The following PSMD1 variants were observed in gnomAD, a reference collection of about 807,000 sequenced individuals.
PSMD1 encodes the protein 26S proteasome non-ATPase regulatory subunit 1.
PSMD1 carries 18 observed loss-of-function variants against 119.0 expected under a neutral mutation model. The observed-to-expected ratio is 0.15, with a 90% CI of 0.10 to 0.22. PSMD1 has a LOEUF of 0.22. Among genes scored for constraint, PSMD1 ranks in the 10% least tolerant of loss-of-function variants. The probability of loss-of-function intolerance (pLI) is 1.00; values close to 1 mark genes in which losing one functional copy is unlikely to be tolerated. For missense variants in PSMD1, 702 were observed against 1,158.5 expected (o/e 0.61, Z 5.72); for synonymous variants, 374 against 396.6 (o/e 0.94, Z 0.68).
chr2:231,113,596 C>A, intron 16 of PSMD1: 1 of 807,754 alleles, frequency 1.2e-6, no homozygotes. Flanking sequence ...ACATAAGGAG[C>A]TTATGTTAAT....
At chr2:231,121,604 A>G (rs1695546558) in intron 16 of PSMD1, among the ~76,000 whole-genome samples, 1 of 152,150 alleles carries the variant, frequency 6.6e-6, no homozygotes. Flanking sequence ...AATACATGGA[A>G]TCTATTAAAC....
intron 18 of PSMD1, among the ~76,000 whole-genome samples, chr2:231,151,674 A>C (rs1213230219): frequency 6.6e-6 from 1 of 152,126 alleles, no homozygotes; most frequent in Non-Finnish European, 1.5e-5. Context: ...AACTTTGTGA[A>C]ATACTTCTTA....
At chr2:231,084,087 G>C (rs13411316) in intron 14 of PSMD1, among the ~76,000 whole-genome samples, 283 of 151,964 alleles carry the variant, frequency 1.9e-3, no homozygotes, top group Non-Finnish European at 3.6e-3. Context: ...GGTGGCTCAC[G>C]CCTGTAATCC....
intron 16 of PSMD1, among the ~76,000 whole-genome samples, chr2:231,110,574 C>T (rs1695124641): frequency 1.3e-5 from 2 of 152,218 alleles, no homozygotes; most frequent in South Asian, 2.1e-4. Context: ...CCCTCATCTA[C>T]ACACCCTTTT....
chr2:231,138,942 G>A (rs1256266732), intron 17 of PSMD1, 92 bp downstream of exon 17: 1 of 918,788 alleles, frequency 1.1e-6, no homozygotes, highest in Non-Finnish European at 1.8e-6. Flanking sequence ...AAAAATACAA[G>A]TGCAATGTGA....
chr2:231,065,674 T>C (rs1693894392), intron 4 of PSMD1, among the ~76,000 whole-genome samples: 1 of 152,192 alleles, frequency 6.6e-6, no homozygotes, highest in East Asian at 1.9e-4. Flanking sequence ...ACTTAGAAAG[T>C]TTAAGGTGTG....
chr2:231,058,661 C>T (rs1384193996), intron 1 of PSMD1, among the ~76,000 whole-genome samples: 1 of 152,070 alleles, frequency 6.6e-6, no homozygotes, highest in African/African-American at 2.4e-5. Flanking sequence ...GACTCTTAAC[C>T]AAGGACCCAC....
intron 16 of PSMD1, among the ~76,000 whole-genome samples, chr2:231,130,074 A>C (rs1209752829): frequency 3.3e-5 from 5 of 152,116 alleles, no homozygotes; most frequent in African/African-American, 9.7e-5. Flanking sequence ...GCTGGTCTCA[A>C]ACTCCTGACC....
At chr2:231,149,814 G>T (rs1676725542) in intron 18 of PSMD1, among the ~76,000 whole-genome samples, 2 of 152,244 alleles carry the variant, frequency 1.3e-5, no homozygotes, top group African/African-American at 2.4e-5. Flanking sequence ...AAAGGCTACA[G>T]AAACTACTCT....
intron 5 of PSMD1, 40 bp downstream of exon 5, chr2:231,067,151 G>A (rs1693928714): frequency 7.0e-7 from 1 of 1,427,016 alleles, no homozygotes; most frequent in Non-Finnish European, 9.4e-7. Context: ...TTGTTGATAG[G>A]GAATCAGCAA....
intron 16 of PSMD1, among the ~76,000 whole-genome samples, chr2:231,132,095 C>G (rs17619648): frequency 0.083 from 12,571 of 152,086 alleles, 654 homozygotes; most frequent in South Asian, 0.21. Flanking sequence ...TGTTCTCAGG[C>G]AAAATTTTTT....
At chr2:231,129,156 A>G (rs1228434370) in intron 16 of PSMD1, among the ~76,000 whole-genome samples, 3 of 152,226 alleles carry the variant, frequency 2.0e-5, no homozygotes, top group Admixed American at 2.0e-4. Flanking sequence ...AGTGATTAAA[A>G]CTTTTTGAGA....
chr2:231,062,337 T>C lies in PSMD1; in HGVS notation c.134+16T>C. On this transcript the variant is annotated intron_variant, in intron 3 of 24. Transcript: ENST00000308696. ...TAGACAAAATGTAAGAAATTATTTT[T>C]ATAAATCAGAATAAGATGGATCAAA... The C allele has an allele frequency of 6.3e-7, 1 of 1,583,674 alleles. No individual in the cohort carries two copies. Among genetic ancestry groups the C allele is most frequent in the South Asian group, 1.1e-5 (1 of 89,866 alleles).
intron 6 of PSMD1, among the ~76,000 whole-genome samples, chr2:231,071,604 A>G (rs1694042265): frequency 6.6e-6 from 1 of 152,108 alleles, no homozygotes; most frequent in Non-Finnish European, 1.5e-5. Flanking sequence ...AATTTATAAT[A>G]ACTTTGATTA....
Position 231,170,781 on chromosome 2 carries a change from T to C in PSMD1, c.*9+60T>C. ...TTTGTCAATACTTCACAAATGTTTTTTGCAAGGACATCATCTCACGTTTTT... is the reference window on the plus strand; with the variant it reads ...TTTGTCAATACTTCACAAATGTTTTCTGCAAGGACATCATCTCACGTTTTT... On this transcript the variant is annotated intron_variant, in intron 24 of 24. Transcript: ENST00000308696. The surrounding 1 kb of genome is among the most constrained non-coding windows in gnomAD (Gnocchi z 4.1). The C allele has an allele frequency of 6.8e-7, 1 of 1,478,692 alleles. No individual in the cohort carries two copies. Among genetic ancestry groups the C allele is most frequent in the Non-Finnish European group, 9.1e-7 (1 of 1,101,312 alleles). 91.6% of individuals were successfully genotyped at this position (1,478,692 alleles called of 1,614,324 possible). A position where few individuals can be genotyped will look rare whatever the true frequency, so the allele number is the denominator to read the frequency against.
rs754343511 is a variant in PSMD1, at chr2:231,082,866, C to CT, written c.1414-16dup. On this transcript the variant is annotated splice_polypyrimidine_tract_variant and intron_variant, in intron 12 of 24. Transcript: ENST00000308696. ...GTACAGTGTACCAAATCAATGGAAT[C>CT]TATGTTTTTTCCTTAGATCGTTAGA... 6.3e-7 allele frequency: 1 copy of CT among 1,581,308 alleles called. No individual in the cohort carries two copies. The highest frequency in any genetic ancestry group is 2.2e-5 in the East Asian group (1 of 44,710).
intron 17 of PSMD1, among the ~76,000 whole-genome samples, chr2:231,146,037 A>C (rs1190388255): frequency 6.6e-6 from 1 of 152,038 alleles, no homozygotes; most frequent in Non-Finnish European, 1.5e-5. Flanking sequence ...ACACACATAC[A>C]TTATACTAGG....
chr2:231,108,907 G>GGAATC lies in PSMD1; in HGVS notation c.1883+21727_1883+21731dup. ...GCATTTGGAGAGTAGTTTGGTTACA[G>GGAATC]GAATCACATAAAACTAAAGTTATAT... On this transcript the variant is annotated intron_variant, in intron 16 of 24. Coordinates refer to ENST00000308696, the MANE Select transcript of PSMD1 (RefSeq NM_002807.4). 2.5e-6 allele frequency: 4 copies of GGAATC among 1,614,028 alleles called. No individual in the cohort carries two copies. The South Asian group carries it at 4.4e-5, about 18-fold the overall frequency.
intron 19 of PSMD1, among the ~76,000 whole-genome samples, chr2:231,159,583 T>C (rs993898517): frequency 1.3e-5 from 2 of 152,232 alleles, no homozygotes; most frequent in Non-Finnish European, 2.9e-5. Flanking sequence ...TCCTTATTTG[T>C]TTACTTGACT....
Sources: gnomAD v4.1 joint callset for allele counts (sites outside exome capture counted in the v4.1 genomes callset) on GRCh38, gnomAD v4.1.1 for gene constraint, Gnocchi (gnomAD v3.1) non-coding constraint, MANE v1.5 for transcripts, NCBI Gene and HGNC (gene_info 2026-07-23, HGNC 2026-07-21) for gene names.